DIP2C: variants seen among roughly 807,000 people sequenced by gnomAD.
DIP2C encodes DIP2 acetate--CoA ligase C (putative).
Under a neutral mutation model 192.4 loss-of-function variants are expected in DIP2C, and 33 were observed. The ratio of observed to expected loss-of-function variants is 0.17; its 90% CI spans 0.13 to 0.23. DIP2C has a LOEUF of 0.23. DIP2C is among the 10% of genes least tolerant of loss of function. The pLI is 1.00. For missense variants in DIP2C, 1,537 were observed against 2,110.1 expected, an observed-to-expected ratio of 0.73 and a Z score of 5.32; for synonymous variants, 979 against 864.1, an observed-to-expected ratio of 1.13 and a Z score of -2.33.
intron 24 of DIP2C, among the ~76,000 whole-genome samples, chr10:350,988 G>A (rs1958777615): frequency 6.6e-6 from 1 of 152,142 alleles, no homozygotes; most frequent in Admixed American, 6.5e-5. Flanking sequence ...ATGAATGCAT[G>A]AGTGTAGGGA....
rs1954551425 is a variant in DIP2C at position 276,951 on chromosome 10, AC to A, written c.*373del. On this transcript the variant is annotated 3_prime_UTR_variant, in exon 37 of 37. Coordinates refer to ENST00000280886, the MANE Select transcript of DIP2C (RefSeq NM_014974.3). The stretch of plus-strand genomic sequence containing the variant: ...CACACTACATAAATTGTTTAAAAGA[AC>A]CCATCTGGAGGGCAGGATATTTTTT... 2 of 196,160 alleles carry A rather than the reference AC, an allele frequency of 1.0e-5. No homozygotes were observed. 12.2% of individuals were successfully genotyped at this position (196,160 alleles called of 1,614,324 possible). A position where few individuals can be genotyped will look rare whatever the true frequency, so the allele number is the denominator to read the frequency against.
chr10:469,768 T>C (rs992057262), intron 3 of DIP2C, among the ~76,000 whole-genome samples: 7 of 152,192 alleles, frequency 4.6e-5, no homozygotes, highest in Non-Finnish European at 1.0e-4. Flanking sequence ...TTCTAGTGGA[T>C]CCCATCATCT....
chr10:585,760 T>C (rs532648923), intron 1 of DIP2C, among the ~76,000 whole-genome samples: 1 of 152,252 alleles, frequency 6.6e-6, no homozygotes, highest in South Asian at 2.1e-4. Flanking sequence ...CATTCAAAAC[T>C]GAGGATTGTG....
chr10:576,289 GC>G (rs1850151352), intron 1 of DIP2C, among the ~76,000 whole-genome samples: 2 of 152,314 alleles, frequency 1.3e-5, no homozygotes, highest in Non-Finnish European at 2.9e-5. Flanking sequence ...CGAGGCAAAC[GC>G]CACAGACCAC....
At chr10:447,901 A>G (rs1389199407) in intron 3 of DIP2C, among the ~76,000 whole-genome samples, 1 of 121,852 alleles carries the variant, frequency 8.2e-6, no homozygotes, top group East Asian at 2.4e-4. Flanking sequence ...ACAGTGGGGC[A>G]GCAGGACCCA....
chr10:517,696 C>T (rs897750313), intron 1 of DIP2C, among the ~76,000 whole-genome samples: 1 of 152,188 alleles, frequency 6.6e-6, no homozygotes, highest in African/African-American at 2.4e-5. Flanking sequence ...AGAAACGTGT[C>T]ACCAGCAGAA....
At chr10:371,502 A>G (rs561188597) in intron 17 of DIP2C, among the ~76,000 whole-genome samples, 1 of 152,336 alleles carries the variant, frequency 6.6e-6, no homozygotes, top group African/African-American at 2.4e-5. Context: ...TGTCCTTGTA[A>G]GAGAAAAGAG....
At chr10:545,318 C>A (rs1268488382) in intron 1 of DIP2C, among the ~76,000 whole-genome samples, 1 of 152,024 alleles carries the variant, frequency 6.6e-6, no homozygotes, top group Non-Finnish European at 1.5e-5. Context: ...AGGCACCTGC[C>A]ACAACGCCCA....
At chr10:489,075 G>C (rs1295140891) in intron 1 of DIP2C, among the ~76,000 whole-genome samples, 1 of 152,202 alleles carries the variant, frequency 6.6e-6, no homozygotes, top group African/African-American at 2.4e-5. Context: ...ACGACGGCTT[G>C]ATGTGCATGC....
At chr10:635,041 T>A (rs1371634857) in intron 1 of DIP2C, among the ~76,000 whole-genome samples, 1 of 152,124 alleles carries the variant, frequency 6.6e-6, no homozygotes, top group Non-Finnish European at 1.5e-5. Flanking sequence ...ACTCCTCCTG[T>A]GGAATCAGCC....
rs527347114 is a variant in DIP2C, at chr10:396,408, G to A, written c.1260+2701C>T. On this transcript the variant is annotated intron_variant, in intron 10 of 36. Coordinates refer to ENST00000280886, the MANE Select transcript of DIP2C (RefSeq NM_014974.3). ...AACCAGCCTGGACTGGAGGACACCAGGCTATACACTTTAACATGGATAAAT... is the reference window on the plus strand; with the variant it reads ...AACCAGCCTGGACTGGAGGACACCAAGCTATACACTTTAACATGGATAAAT... Among the ~76,000 whole-genome samples, 5 of 152,246 alleles carry A rather than the reference G, an allele frequency of 3.3e-5. No homozygotes were observed. In the South Asian group the frequency reaches 8.3e-4, roughly 25 times the overall value.
chr10:325,433 C>G (rs1460530580), intron 31 of DIP2C, among the ~76,000 whole-genome samples: 2 of 152,228 alleles, frequency 1.3e-5, no homozygotes, highest in Non-Finnish European at 2.9e-5. Flanking sequence ...TCTCTGCTCT[C>G]TCCCTTCAGC....
chr10:445,462 CAG>C (rs1968097148), intron 3 of DIP2C, among the ~76,000 whole-genome samples: 1 of 149,188 alleles, frequency 6.7e-6, no homozygotes, highest in African/African-American at 2.5e-5. Context: ...AAGAGTCTCA[CAG>C]GCCCACTGGA....
chr10:309,439 T>A, intron 32 of DIP2C, among the ~76,000 whole-genome samples: 1 of 151,958 alleles, frequency 6.6e-6, no homozygotes. Context: ...GGGGGCAAAA[T>A]GGTGCATAAA....
chr10:360,689 TA>T (rs748273107), intron 22 of DIP2C, among the ~76,000 whole-genome samples: 3 of 152,214 alleles, frequency 2.0e-5, no homozygotes, highest in Non-Finnish European at 2.9e-5. Flanking sequence ...CCTTGTTTTG[TA>T]ACTCTGTAAT....
chr10:585,180 G>C (rs780856385), intron 1 of DIP2C, among the ~76,000 whole-genome samples: 7 of 152,172 alleles, frequency 4.6e-5, no homozygotes, highest in Non-Finnish European at 1.0e-4. Context: ...CTATGAGCCC[G>C]GAGAACACCG....
chr10:367,571 G>A (rs539486676), intron 18 of DIP2C, among the ~76,000 whole-genome samples: 5 of 152,226 alleles, frequency 3.3e-5, no homozygotes, highest in Admixed American at 6.5e-5. Flanking sequence ...CACAACCTTC[G>A]AAAAGACAAT....
rs1235820052 is a variant in DIP2C, at chr10:281,416, A to T, written c.4295-93T>A. 5 of 1,478,466 alleles carry T rather than the reference A, an allele frequency of 3.4e-6. No individual in the cohort carries two copies. The East Asian group carries it at 7.1e-5, about 21-fold the overall frequency. 91.6% of individuals were successfully genotyped at this position (1,478,466 alleles called of 1,614,324 possible). ...AAAAAAAGATTAAAAACGACCCCCA[A>T]GTGAGACAGGGATGCAAAGGAAGGG... On this transcript the variant is annotated intron_variant, in intron 35 of 36. Coordinates refer to ENST00000280886, the MANE Select transcript of DIP2C (RefSeq NM_014974.3).
At position 594,790 on chromosome 10, in the gene DIP2C, C is replaced by T. The variant is rs138011910; in HGVS notation, c.85+94704G>A. On this transcript the variant is annotated intron_variant, in intron 1 of 36. Transcript: ENST00000280886. ...CACACAACCGAGCCGCAAACCAGGGCGGAATCTCGACTCTCCGGGTTCAGA... is the reference window on the plus strand; with the variant it reads ...CACACAACCGAGCCGCAAACCAGGGTGGAATCTCGACTCTCCGGGTTCAGA... Among the ~76,000 whole-genome samples the T allele has an allele frequency of 2.0e-3, 310 of 152,294 alleles. 1 individual carries two copies. Among genetic ancestry groups the T allele is most frequent in the African/African-American group, 7.1e-3 (296 of 41,552 alleles).
Sources: allele counts gnomAD v4.1 joint callset (sites outside exome capture counted in the v4.1 genomes callset), GRCh38; gene constraint gnomAD v4.1.1; transcripts MANE v1.5; gene names NCBI Gene and HGNC (gene_info 2026-07-23, HGNC 2026-07-21).